TRPV5: variants seen among roughly 807,000 people sequenced by gnomAD.
TRPV5 encodes the protein calcium transport protein 2.
In TRPV5, 66 loss-of-function variants were observed where a neutral mutation model predicts 74.1. The ratio of observed to expected loss-of-function variants is 0.89; its 90% confidence interval spans 0.73 to 1.09. The LOEUF is 1.09. TRPV5 is among the 50% of genes least tolerant of loss of function. The pLI is 0.00. For missense variants in TRPV5, 936 were observed against 930.4 expected, an observed-to-expected ratio of 1.01 and a Z score of -0.08; for synonymous variants, 399 against 360.7, an observed-to-expected ratio of 1.11 and a Z score of -1.20.
rs143667539 is a variant in TRPV5, at chr7:142,912,749, C to T, written c.1521G>A (p.Ala507=). 135 of 1,612,538 alleles carry T rather than the reference C, an allele frequency of 8.4e-5. No homozygotes were observed. Among genetic ancestry groups the T allele is most frequent in the Non-Finnish European group, 1.0e-4 (121 of 1,178,662 alleles). Residue 507 remains alanine (A), a splice_region_variant and synonymous_variant, in exon 13 of 15, where the codon GCG becomes GCA. Transcript: ENST00000265310. ...MAVVILGFAS[A]FYIIFQTEDP... is the part of the protein sequence containing the mutation. Reference sequence around the variant, plus strand: ...CCTCTGTCTGGAAAATGATATAGAACGCTGCTCCGCCCAGGAAGAGGACAT... The same window carrying T: ...CCTCTGTCTGGAAAATGATATAGAATGCTGCTCCGCCCAGGAAGAGGACAT...
chr7:142,910,938 C>T lies in TRPV5; in HGVS notation c.1789-1342G>A, dbSNP rs552030485. The stretch of plus-strand genomic sequence containing the variant: ...ACCTCCCCTCCACCACCATCACCAA[C>T]ACCTCCACTATCTAGTCCTTGGTCT... On this transcript the variant is annotated intron_variant, in intron 13 of 14. Coordinates refer to ENST00000265310, the MANE Select transcript of TRPV5 (RefSeq NM_019841.7). Among the ~76,000 whole-genome samples, 12 of 152,272 alleles carry T rather than the reference C, an allele frequency of 7.9e-5. No homozygotes were observed. The South Asian group carries it at 2.3e-3, about 29-fold the overall frequency.
At chr7:142,916,635 C>T (rs531555701) in intron 8 of TRPV5, among the ~76,000 whole-genome samples, 162 of 152,296 alleles carry the variant, frequency 1.1e-3, no homozygotes, top group South Asian at 4.6e-3. Context: ...CCCCTGGGGC[C>T]AGCAGGAAAG....
In TRPV5 at chr7:142,925,219, C is replaced by T. The variant is rs577877323; in HGVS notation, c.1122+310G>A. 84 of 558,262 alleles carry T rather than the reference C, an allele frequency of 1.5e-4. 1 individual carries two copies. The Admixed American group carries it at 2.7e-3, about 18-fold the overall frequency. The allele number at this position is 558,262 out of a possible 1,614,324, so 34.6% of individuals were successfully genotyped here. A position where few individuals can be genotyped will look rare whatever the true frequency, so the allele number is the denominator to read the frequency against. On this transcript the variant is annotated intron_variant, in intron 8 of 14. Coordinates refer to ENST00000265310, the MANE Select transcript of TRPV5 (RefSeq NM_019841.7). ...TTTGAGCAATAGAGTTTACCTTGAA[C>T]ATCCCACTAAAAAACCCTGATACTT...
chr7:142,912,565 G>C lies in TRPV5; in HGVS notation c.1705C>G (p.Leu569Val). Residue 569 changes from leucine (L) to valine (V), a missense_variant, in exon 13 of 15, where the codon CTC becomes GTC. Coordinates refer to ENST00000265310, the MANE Select transcript of TRPV5 (RefSeq NM_019841.7). ...NFAFTIIATL[L>V]MLNLFIAMMG... ...ATGGCGATGAACAAGTTGAGCATGAGCAGTGTGGCAATGATGGTGAAGGCG... is the reference window on the plus strand; with the variant it reads ...ATGGCGATGAACAAGTTGAGCATGACCAGTGTGGCAATGATGGTGAAGGCG... 1 of 1,614,138 alleles carries C rather than the reference G, an allele frequency of 6.2e-7. No individual in the cohort carries two copies. The highest frequency in any genetic ancestry group is 8.5e-7 in the Non-Finnish European group (1 of 1,179,954).
At chr7:142,916,984 A>G (rs892975199) in intron 8 of TRPV5, among the ~76,000 whole-genome samples, 6 of 150,416 alleles carry the variant, frequency 4.0e-5, no homozygotes. Flanking sequence ...TTATTTTATC[A>G]TATAATAGCA....
At chr7:142,930,256 C>A in intron 2 of TRPV5, 76 bp from the exon 3 acceptor site, 2 of 1,606,472 alleles carry the variant, frequency 1.2e-6, no homozygotes, top group East Asian at 2.2e-5. Flanking sequence ...TCCAGAGACA[C>A]CCTCCAAGGC....
chr7:142,923,316 A>T (rs1795915015), intron 8 of TRPV5, among the ~76,000 whole-genome samples: 1 of 152,210 alleles, frequency 6.6e-6, no homozygotes, highest in African/African-American at 2.4e-5. Flanking sequence ...CAGTAGGAAA[A>T]AAAAGGAATT....
intron 8 of TRPV5, among the ~76,000 whole-genome samples, chr7:142,924,139 C>T (rs1795927817): frequency 1.3e-5 from 2 of 151,236 alleles, no homozygotes; most frequent in African/African-American, 4.9e-5. Context: ...TCCAGTGTCT[C>T]TAACACATTC....
At chr7:142,920,896 C>A (rs970585647) in intron 8 of TRPV5, among the ~76,000 whole-genome samples, 1 of 152,156 alleles carries the variant, frequency 6.6e-6, no homozygotes, top group Non-Finnish European at 1.5e-5. Context: ...TTTAATAAGG[C>A]CTCAAAAACA....
chr7:142,922,338 A>G (rs1254951004), intron 8 of TRPV5, among the ~76,000 whole-genome samples: 1 of 152,214 alleles, frequency 6.6e-6, no homozygotes, highest in Non-Finnish European at 1.5e-5. Context: ...AAAGTCAAAA[A>G]GGAGATGTGA....
intron 8 of TRPV5, among the ~76,000 whole-genome samples, chr7:142,921,444 G>A (rs763560971): frequency 6.6e-6 from 1 of 152,082 alleles, no homozygotes; most frequent in South Asian, 2.1e-4. Flanking sequence ...ACCATGCCTG[G>A]CTAATTTTTT....
chr7:142,929,002 C>CT lies in TRPV5; in HGVS notation c.586+19dup. 1.9e-6 allele frequency: 3 copies of CT among 1,613,752 alleles called. No homozygotes were observed. The highest frequency in any genetic ancestry group is 2.5e-6 in the Non-Finnish European group (3 of 1,179,994). ...CGCTCCCCACAGCATCCCAGCTCCC[C>CT]TCCCCATCCCAGCTCTTACCCAGGG... On this transcript the variant is annotated intron_variant, in intron 5 of 14. Coordinates refer to ENST00000265310, the MANE Select transcript of TRPV5 (RefSeq NM_019841.7).
intron 12 of TRPV5, 112 bp from the exon 13 acceptor site, chr7:142,912,862 A>ATCTG (rs1370878336): frequency 5.4e-5 from 54 of 1,007,608 alleles, no homozygotes; most frequent in East Asian, 7.5e-5. Context: ...CTATCTATCT[A>ATCTG]TCTATCTATC....
chr7:142,914,813 C>T (rs758199971), intron 11 of TRPV5, 68 bp downstream of exon 11: 12 of 1,609,748 alleles, frequency 7.5e-6, no homozygotes, highest in Admixed American at 3.3e-5. Flanking sequence ...CAGCTCCATT[C>T]TACCTCCATC....
At chr7:142,928,275 G>C in intron 6 of TRPV5, 41 bp from the exon 7 acceptor site, 2 of 1,612,504 alleles carry the variant, frequency 1.2e-6, no homozygotes, top group South Asian at 1.1e-5. Flanking sequence ...CAACGTGTGA[G>C]AAGGTGGTCG....
intron 6 of TRPV5, 85 bp downstream of exon 6, chr7:142,928,606 C>G: frequency 1.3e-6 from 2 of 1,485,248 alleles, no homozygotes; most frequent in South Asian, 1.4e-5. Context: ...GAAAGGTGGG[C>G]CCTTCACCTC....
intron 8 of TRPV5, among the ~76,000 whole-genome samples, chr7:142,917,275 T>C (rs1200284119): frequency 6.6e-6 from 1 of 152,190 alleles, no homozygotes; most frequent in East Asian, 1.9e-4. Context: ...AGTAGGAGGA[T>C]AAATAACAAA....
intron 6 of TRPV5, 26 bp from the exon 7 acceptor site, chr7:142,928,260 G>C (rs1050387752): frequency 6.2e-7 from 1 of 1,613,892 alleles, no homozygotes; most frequent in Non-Finnish European, 8.5e-7. Flanking sequence ...GATGAGTCAG[G>C]GGGCCAACGT....
At position 142,928,111 on chromosome 7, in the gene TRPV5, C is replaced by G. The variant is rs1336258831; in HGVS notation, c.886G>C (p.Val296Leu). ...WGEELSFLEL[V>L]VSSDKREARQ... ...ACCTCTCGTTTATCAGAGGAGACCA[C>G]AAGCTCCAGGAAGGACAGCTCCTCT... The change falls in exon 7 of 15, where the codon GTG (valine) becomes CTG (leucine). Residue 296 changes from valine (V) to leucine (L), a missense_variant. Val to Leu is a conservative substitution (Grantham distance 32). Transcript: ENST00000265310. The G allele has an allele frequency of 6.2e-6, 10 of 1,614,096 alleles. No homozygotes were observed. Among genetic ancestry groups the G allele is most frequent in the Non-Finnish European group, 8.5e-6 (10 of 1,180,056 alleles).
Sources: gnomAD v4.1 joint callset for allele counts (sites outside exome capture counted in the v4.1 genomes callset) on GRCh38, gnomAD v4.1.1 for gene constraint, MANE v1.5 for transcripts, NCBI Gene and HGNC (gene_info 2026-07-23, HGNC 2026-07-21) for gene names.